The following C1QTNF3 variants were observed in gnomAD, a reference collection of about 807,000 sequenced individuals.
C1QTNF3 encodes complement C1q tumor necrosis factor-related protein 3.
A neutral mutation model predicts 32.6 loss-of-function variants in C1QTNF3; 26 were observed. That is an observed-to-expected ratio of 0.80 (90% CI 0.58 to 1.11). The LOEUF is 1.11. Among genes scored for constraint, C1QTNF3 ranks in the 50% least tolerant of loss-of-function variants. The pLI, the probability that C1QTNF3 is intolerant of heterozygous loss-of-function variation, is 0.00. For missense variants in C1QTNF3, 362 were observed against 398.2 expected, an observed-to-expected ratio of 0.91 and a Z score of 0.77; for synonymous variants, 155 against 146.0, an observed-to-expected ratio of 1.06 and a Z score of -0.44.
chr5:34,102,105 TG>T, the C1QTNF3 span, among the ~76,000 whole-genome samples: 5 of 149,850 alleles, frequency 3.3e-5, no homozygotes, highest in East Asian at 9.7e-4. Context: ...ACAGTAAAAT[TG>T]ATTTCTAAAA....
the C1QTNF3 span, among the ~76,000 whole-genome samples, chr5:34,226,219 C>T: frequency 1.3e-5 from 2 of 151,830 alleles, no homozygotes; most frequent in African/African-American, 4.8e-5. Flanking sequence ...GCTCCTTCAC[C>T]CTACAAAAGA....
chr5:34,128,969 T>C, the C1QTNF3 span, among the ~76,000 whole-genome samples: 69 of 152,282 alleles, frequency 4.5e-4, no homozygotes, highest in African/African-American at 1.7e-3. Flanking sequence ...TGGCTCTGTG[T>C]CCCTGCCCAA....
Position 34,020,705 on chromosome 5 carries a change from G to C in C1QTNF3, c.838C>G (p.His280Asp). The change falls in exon 6 of 6, where the codon CAT becomes GAT. Residue 280 changes from histidine to aspartate, a missense_variant. Transcript: ENST00000382065. ...MKGKSDTSSN[H>D]AVLKLAKGDE... ...CCTTTGGCTAGCTTCAGCACAGCATGATTGCTGGATGTATCTGATTTGCCC... is the reference window on the plus strand; with the variant it reads ...CCTTTGGCTAGCTTCAGCACAGCATCATTGCTGGATGTATCTGATTTGCCC... 6.2e-7 allele frequency: 1 copy of C among 1,614,110 alleles called. No individual in the cohort carries two copies.
rs886346467 is a variant in C1QTNF3, at chr5:34,028,264, G to A, written c.700+490C>T. On this transcript the variant is annotated intron_variant, in intron 4 of 5. Coordinates refer to ENST00000382065, the MANE Select transcript of C1QTNF3 (RefSeq NM_181435.6). ...TGGGATTACAGGCATGAGCCACCGC[G>A]CCGGGCCTTAACTTTTTAAATAAGT... Among the ~76,000 whole-genome samples, 5 of 152,172 alleles carry A rather than the reference G, an allele frequency of 3.3e-5. 1 individual carries two copies. The highest frequency in any genetic ancestry group is 6.5e-5 in the Admixed American group (1 of 15,278).
At chr5:34,212,436 G>A in the C1QTNF3 span, among the ~76,000 whole-genome samples, 4 of 151,832 alleles carry the variant, frequency 2.6e-5, no homozygotes, top group South Asian at 4.2e-4. Flanking sequence ...CTTCTGCACA[G>A]CAAAAGAAAC....
the C1QTNF3 span, among the ~76,000 whole-genome samples, chr5:34,178,455 GT>G: frequency 6.6e-6 from 1 of 151,752 alleles, no homozygotes; most frequent in Non-Finnish European, 1.5e-5. Flanking sequence ...TTCCCTGTGT[GT>G]CAACTCCAAC....
At chr5:34,147,447 T>C in the C1QTNF3 span, among the ~76,000 whole-genome samples, 2 of 152,006 alleles carry the variant, frequency 1.3e-5, no homozygotes, top group Admixed American at 1.3e-4. Flanking sequence ...GTAAAGAAAA[T>C]GTGGTATAAA....
the C1QTNF3 span, among the ~76,000 whole-genome samples, chr5:34,053,622 C>T: frequency 1.3e-5 from 2 of 152,344 alleles, no homozygotes; most frequent in East Asian, 1.9e-4. Flanking sequence ...CTGGAAAGGA[C>T]ACCTGTGTGA....
At chr5:34,232,251 G>T in the C1QTNF3 span, among the ~76,000 whole-genome samples, 1 of 152,142 alleles carries the variant, frequency 6.6e-6, no homozygotes, top group Non-Finnish European at 1.5e-5. Context: ...ACTTGTTTTT[G>T]ATTTTACAGG....
chr5:34,125,739 ATTAT>A, the C1QTNF3 span, among the ~76,000 whole-genome samples: 2 of 152,232 alleles, frequency 1.3e-5, no homozygotes, highest in African/African-American at 4.8e-5. Context: ...AAATTTAAAA[ATTAT>A]TTCACACGAG....
the C1QTNF3 span, among the ~76,000 whole-genome samples, chr5:34,076,421 T>C: frequency 1.1e-3 from 169 of 151,740 alleles, 9 homozygotes; most frequent in African/African-American, 4.1e-3. Context: ...AAAGTCATCT[T>C]ATTATTTTGC....
At chr5:34,144,286 T>C in the C1QTNF3 span, among the ~76,000 whole-genome samples, 1 of 152,234 alleles carries the variant, frequency 6.6e-6, no homozygotes, top group Non-Finnish European at 1.5e-5. Flanking sequence ...CCTCTTTATC[T>C]ACCAAAAGAC....
chr5:34,176,170 G>T, the C1QTNF3 span, among the ~76,000 whole-genome samples: 1,350 of 148,698 alleles, frequency 9.1e-3, 21 homozygotes, highest in African/African-American at 0.031. Flanking sequence ...ACCAAACACC[G>T]CATATTCTCA....
chr5:34,174,779 G>A, the C1QTNF3 span, among the ~76,000 whole-genome samples: 88 of 151,998 alleles, frequency 5.8e-4, no homozygotes, highest in East Asian at 0.015. Flanking sequence ...TCTCACTGTC[G>A]CCCAGGCTGG....
chr5:34,221,840 G>A, the C1QTNF3 span, among the ~76,000 whole-genome samples: 1 of 151,890 alleles, frequency 6.6e-6, no homozygotes, highest in South Asian at 2.1e-4. Context: ...TTAAATCACT[G>A]GCAGAACTTG....
chr5:34,065,265 C>T, the C1QTNF3 span, among the ~76,000 whole-genome samples: 2 of 152,116 alleles, frequency 1.3e-5, no homozygotes, highest in Admixed American at 1.3e-4. Flanking sequence ...AGAAGACATA[C>T]AAGCAGCCAA....
At chr5:34,148,112 C>G in the C1QTNF3 span, among the ~76,000 whole-genome samples, 2 of 150,326 alleles carry the variant, frequency 1.3e-5, no homozygotes, top group African/African-American at 4.9e-5. Flanking sequence ...CCTGGAAAAT[C>G]GGGTCACTCC....
the C1QTNF3 span, among the ~76,000 whole-genome samples, chr5:34,195,890 G>A: frequency 6.6e-6 from 1 of 152,272 alleles, no homozygotes; most frequent in South Asian, 2.1e-4. Context: ...CCAAGGTGAG[G>A]ATACTGGGAG....
chr5:34,076,205 T>C, the C1QTNF3 span, among the ~76,000 whole-genome samples: 1 of 151,540 alleles, frequency 6.6e-6, no homozygotes, highest in African/African-American at 2.4e-5. Flanking sequence ...ACGGTGATGC[T>C]CACACAACAA....
Sources: allele counts gnomAD v4.1 joint callset (sites outside exome capture counted in the v4.1 genomes callset), GRCh38; gene constraint gnomAD v4.1.1; transcripts MANE v1.5; gene names NCBI Gene and HGNC (gene_info 2026-07-23, HGNC 2026-07-21).